ALPK1: variants seen among roughly 807,000 people sequenced by gnomAD.
ALPK1 encodes alpha kinase 1.
In ALPK1, 110 loss-of-function variants were observed where a neutral mutation model predicts 120.6. The ratio of observed to expected loss-of-function variants is 0.91; its 90% CI spans 0.78 to 1.07. The LOEUF (loss-of-function observed/expected upper bound fraction) is 1.07, where lower values mean the gene tolerates loss of function less well. Ranked by LOEUF, ALPK1 falls within the 50% of genes least tolerant of loss-of-function variation. The pLI is 0.00. For missense variants in ALPK1, 1,498 were observed against 1,483.9 expected, an observed-to-expected ratio of 1.01 and a Z score of -0.16; for synonymous variants, 582 against 560.3, an observed-to-expected ratio of 1.04 and a Z score of -0.55.
intron 2 of ALPK1, among the ~76,000 whole-genome samples, chr4:112,363,407 T>C (rs1009026514): frequency 2.6e-5 from 4 of 152,148 alleles, no homozygotes; most frequent in Admixed American, 2.6e-4. Flanking sequence ...GGAATAGCTA[T>C]TCATGTATTA....
intron 2 of ALPK1, among the ~76,000 whole-genome samples, chr4:112,331,130 C>A (rs1470209554): frequency 6.6e-6 from 1 of 152,136 alleles, no homozygotes; most frequent in Non-Finnish European, 1.5e-5. Flanking sequence ...GTAAGGGGAA[C>A]TTCATGTGGT....
At chr4:112,306,128 A>C (rs1047856414) in intron 1 of ALPK1, among the ~76,000 whole-genome samples, 1 of 151,966 alleles carries the variant, frequency 6.6e-6, no homozygotes, top group Non-Finnish European at 1.5e-5. Flanking sequence ...AAGCTTTTTG[A>C]TGCACTGCTG....
At chr4:112,391,962 G>A (rs1300271116) in intron 4 of ALPK1, among the ~76,000 whole-genome samples, 1 of 118,764 alleles carries the variant, frequency 8.4e-6, no homozygotes, top group Admixed American at 9.3e-5. Context: ...ATAAACCCCA[G>A]TCCACAGGAA....
intron 2 of ALPK1, among the ~76,000 whole-genome samples, chr4:112,342,296 T>G (rs1390011537): frequency 2.6e-5 from 4 of 152,164 alleles, no homozygotes; most frequent in African/African-American, 9.7e-5. Context: ...GATTAGCAAT[T>G]GTCTCCTAAA....
Position 112,430,522 on chromosome 4 carries a change from G to C in ALPK1, c.975G>C (p.Leu325=). The C allele has an allele frequency of 6.2e-7, 1 of 1,614,108 alleles. No homozygotes were observed. Among genetic ancestry groups the C allele is most frequent in the East Asian group, 2.2e-5 (1 of 44,888 alleles). Residue 325 remains leucine, a synonymous_variant, in exon 11 of 16, where the codon CTG becomes CTC. Coordinates refer to ENST00000650871, the MANE Select transcript of ALPK1 (RefSeq NM_025144.4). ...CTCCAGAATTGAAAAACTTACATCT[G>C]TGTGAAGCCAAAGAGGCCTTTGAGA... ...DCPPELKNLH[L]CEAKEAFEIG...
intron 2 of ALPK1, among the ~76,000 whole-genome samples, chr4:112,347,341 G>A (rs1730142545): frequency 6.6e-6 from 1 of 152,156 alleles, no homozygotes; most frequent in South Asian, 2.1e-4. Flanking sequence ...TTTGAACTTT[G>A]ACAAATCACT....
Position 112,431,224 on chromosome 4 carries a change from A to T in ALPK1, c.1677A>T (p.Pro559=). 1 of 1,614,200 alleles carries T rather than the reference A, an allele frequency of 6.2e-7. No individual in the cohort carries two copies. The highest frequency in any genetic ancestry group is 8.5e-7 in the Non-Finnish European group (1 of 1,180,014). ...LDQDVETETE[P]SDYSNGEGAV... ...AAGATGTGGAGACTGAGACTGAGCCATCGGACTACAGCAATGGTGAGGGAG... is the reference window on the plus strand; with the variant it reads ...AAGATGTGGAGACTGAGACTGAGCCTTCGGACTACAGCAATGGTGAGGGAG... Residue 559 remains proline, a synonymous_variant, in exon 11 of 16, where the codon CCA becomes CCT. Transcript: ENST00000650871.
chr4:112,340,595 AC>A (rs1729818179), intron 2 of ALPK1, among the ~76,000 whole-genome samples: 1 of 152,222 alleles, frequency 6.6e-6, no homozygotes, highest in Non-Finnish European at 1.5e-5. Flanking sequence ...ATTTTCTTAA[AC>A]ACTGTTATTA....
At chr4:112,427,779 G>A (rs1273218421) in intron 9 of ALPK1, 114 bp downstream of exon 9, 27 of 731,780 alleles carry the variant, frequency 3.7e-5, no homozygotes, top group East Asian at 1.9e-4. Context: ...TCAGTGCTGC[G>A]CCTCCTAGAC....
At chr4:112,425,562 C>T (rs1734200121) in intron 6 of ALPK1, 103 bp from the exon 7 acceptor site, 2 of 938,626 alleles carry the variant, frequency 2.1e-6, no homozygotes, top group African/African-American at 1.7e-5. Context: ...GATTGTTTCT[C>T]AAAATGATGT....
At chr4:112,435,721 C>T (rs564045499) in intron 12 of ALPK1, among the ~76,000 whole-genome samples, 6 of 152,346 alleles carry the variant, frequency 3.9e-5, no homozygotes, top group African/African-American at 1.4e-4. Flanking sequence ...GGGATGAAGC[C>T]TGTTCAGGGA....
At chr4:112,362,902 AC>A (rs1730975402) in intron 2 of ALPK1, among the ~76,000 whole-genome samples, 1 of 152,230 alleles carries the variant, frequency 6.6e-6, no homozygotes, top group Admixed American at 6.5e-5. Context: ...CAGAAACCCT[AC>A]ATGCTAGAAG....
intron 9 of ALPK1, 63 bp from the exon 10 acceptor site, chr4:112,429,086 C>A: frequency 7.2e-7 from 1 of 1,395,632 alleles, no homozygotes. Context: ...CATTTCATAG[C>A]CTGTTTTTTG....
chr4:112,319,594 C>T (rs6839410), intron 2 of ALPK1, among the ~76,000 whole-genome samples: 12,804 of 151,968 alleles, frequency 0.084, 840 homozygotes, highest in Admixed American at 0.21. Context: ...ATGGTGGTAC[C>T]TTGATGGCAA....
chr4:112,357,581 T>C, intron 2 of ALPK1: 1 of 1,518,998 alleles, frequency 6.6e-7, no homozygotes, highest in Non-Finnish European at 9.1e-7. Flanking sequence ...GGGTCCTCCT[T>C]TGCCCTGGAG....
At chr4:112,325,541 T>C (rs894385146) in intron 2 of ALPK1, among the ~76,000 whole-genome samples, 4 of 152,218 alleles carry the variant, frequency 2.6e-5, no homozygotes, top group African/African-American at 9.6e-5. Flanking sequence ...TGAGTAGAGT[T>C]CACATTCACA....
intron 2 of ALPK1, among the ~76,000 whole-genome samples, chr4:112,341,636 G>A (rs532679896): frequency 1.2e-4 from 19 of 152,172 alleles, no homozygotes; most frequent in African/African-American, 3.4e-4. Context: ...AATGATGTGC[G>A]AGATGGTAGT....
chr4:112,358,128 G>A, intron 2 of ALPK1: 2 of 609,692 alleles, frequency 3.3e-6, no homozygotes, highest in Admixed American at 2.0e-5. Flanking sequence ...GGGGCTGGGG[G>A]CCAGTTCCTC....
At chr4:112,397,853 C>A (rs1476259359) in intron 4 of ALPK1, among the ~76,000 whole-genome samples, 4 of 152,084 alleles carry the variant, frequency 2.6e-5, no homozygotes, top group African/African-American at 9.7e-5. Context: ...GGTCTTACTA[C>A]CTCGAGTTTC....
Sources: allele counts gnomAD v4.1 joint callset (sites outside exome capture counted in the v4.1 genomes callset), GRCh38; gene constraint gnomAD v4.1.1; transcripts MANE v1.5; gene names NCBI Gene and HGNC (gene_info 2026-07-23, HGNC 2026-07-21).